PPFIA2: variants seen among roughly 807,000 people sequenced by gnomAD.
PPFIA2 encodes liprin-alpha-2.
PPFIA2 carries 46 observed loss-of-function variants against 175.5 expected under a neutral mutation model. The observed-to-expected ratio is 0.26, with a 90% CI of 0.21 to 0.34. The LOEUF is 0.34. Ranked by LOEUF, PPFIA2 falls within the 10% of genes least tolerant of loss-of-function variation. The pLI is 1.00. For synonymous variants in PPFIA2, 568 were observed against 511.4 expected, an observed-to-expected ratio of 1.11 and a Z score of -1.49; for missense variants, 1,179 against 1,506.1, an observed-to-expected ratio of 0.78 and a Z score of 3.60.
intron 22 of PPFIA2, among the ~76,000 whole-genome samples, chr12:81,300,369 C>T (rs1162452926): frequency 6.6e-6 from 1 of 152,080 alleles, no homozygotes; most frequent in African/African-American, 2.4e-5. Flanking sequence ...AGGAATATTT[C>T]ATGAAAATCA....
intron 4 of PPFIA2, among the ~76,000 whole-genome samples, chr12:81,563,807 A>G (rs2070705359): frequency 6.6e-6 from 1 of 152,248 alleles, no homozygotes. Context: ...AGCAGGCATC[A>G]TTACAGATGC....
At position 81,438,498 on chromosome 12, in the gene PPFIA2, C is replaced by T. The variant is rs1278266533; in HGVS notation, c.645+1474G>A. 2.0e-5 allele frequency among the ~76,000 whole-genome samples: 3 copies of T among 151,802 alleles called. No homozygotes were observed. The East Asian group carries it at 5.8e-4, about 29-fold the overall frequency. ...AAACAAAAAACAAAACAAAACAAAA[C>T]AAAACAAAAAACAAAGGAGTTTGTA... On this transcript the variant is annotated intron_variant, in intron 7 of 32. Coordinates refer to ENST00000549396, the MANE Select transcript of PPFIA2 (RefSeq NM_003625.5).
rs192216139 is a variant in PPFIA2 at position 81,609,204 on chromosome 12, T to C, written c.303+67587A>G. Among the ~76,000 whole-genome samples, 9 of 152,272 alleles carry C rather than the reference T, an allele frequency of 5.9e-5. No individual in the cohort carries two copies. In the East Asian group the frequency reaches 1.7e-3, roughly 29 times the overall value. On this transcript the variant is annotated intron_variant, in intron 4 of 32. Transcript: ENST00000549396. ...ATTTCTGTTATGAGTAAGCATGTCA[T>C]CAATCTTAAAATATGTTCTGTGTGC...
chr12:81,687,569 C>G (rs997103771), intron 3 of PPFIA2: 1 of 151,938 alleles, frequency 6.6e-6, no homozygotes, highest in African/African-American at 2.4e-5. Context: ...CAACAGCTCT[C>G]CAATTTTACT....
intron 4 of PPFIA2, among the ~76,000 whole-genome samples, chr12:81,645,405 C>G (rs1175058690): frequency 2.0e-5 from 3 of 152,128 alleles, no homozygotes; most frequent in African/African-American, 7.2e-5. Context: ...TTACACCACC[C>G]CTCAGCATAA....
Position 81,344,703 on chromosome 12 carries a change from G to T in PPFIA2, c.2233-10C>A, listed in dbSNP as rs1555290953. On this transcript the variant is annotated splice_polypyrimidine_tract_variant and intron_variant, in intron 18 of 32. Coordinates refer to ENST00000549396, the MANE Select transcript of PPFIA2 (RefSeq NM_003625.5). The stretch of plus-strand genomic sequence containing the variant: ...TCCTCAGATCACTTGGCTGTGATTG[G>T]CAGTAATAAAAACATAAAACACAAT... The T allele has an allele frequency of 6.5e-7, 1 of 1,541,408 alleles. No individual in the cohort carries two copies. Among genetic ancestry groups the T allele is most frequent in the Non-Finnish European group, 8.8e-7 (1 of 1,135,996 alleles).
chr12:81,388,691 A>C (rs985300832), intron 8 of PPFIA2, among the ~76,000 whole-genome samples: 1 of 152,094 alleles, frequency 6.6e-6, no homozygotes. Flanking sequence ...TTGAAAAACA[A>C]ATTTTTATTT....
intron 16 of PPFIA2, among the ~76,000 whole-genome samples, chr12:81,355,354 C>T (rs549255171): frequency 6.6e-6 from 1 of 152,254 alleles, no homozygotes; most frequent in East Asian, 1.9e-4. Context: ...TTTGTTGTTG[C>T]ATTCATAGAG....
At chr12:81,660,067 C>A (rs1447949810) in intron 4 of PPFIA2, among the ~76,000 whole-genome samples, 1 of 152,016 alleles carries the variant, frequency 6.6e-6, no homozygotes, top group Non-Finnish European at 1.5e-5. Context: ...CATCAAAGAC[C>A]AAAGGTATAT....
At chr12:81,353,574 C>A (rs2060383806) in intron 16 of PPFIA2, among the ~76,000 whole-genome samples, 1 of 152,028 alleles carries the variant, frequency 6.6e-6, no homozygotes, top group Non-Finnish European at 1.5e-5. Flanking sequence ...AGATGATAAA[C>A]TTCTATATGT....
chr12:81,664,955 C>T (rs2069826305), intron 4 of PPFIA2, among the ~76,000 whole-genome samples: 1 of 151,706 alleles, frequency 6.6e-6, no homozygotes, highest in Non-Finnish European at 1.5e-5. Flanking sequence ...CCAAACACCA[C>T]ATGTTCTCAC....
intron 4 of PPFIA2, among the ~76,000 whole-genome samples, chr12:81,519,908 G>A (rs574018215): frequency 4.5e-4 from 68 of 152,256 alleles, no homozygotes; most frequent in African/African-American, 1.6e-3. Flanking sequence ...ATGTAATAAA[G>A]TTTAATTTGT....
intron 4 of PPFIA2, among the ~76,000 whole-genome samples, chr12:81,562,672 CCCGT>C (rs2070369301): frequency 6.7e-6 from 1 of 150,266 alleles, no homozygotes; most frequent in Non-Finnish European, 1.5e-5. Context: ...ACGGTGAAAC[CCCGT>C]CTCTACTAAA....
At chr12:81,276,963 G>T (rs1447377795) in intron 28 of PPFIA2, among the ~76,000 whole-genome samples, 2 of 152,050 alleles carry the variant, frequency 1.3e-5, no homozygotes, top group Non-Finnish European at 2.9e-5. Context: ...CCATAAAAAT[G>T]ATATACCATG....
chr12:81,357,929 T>C (rs2061086772), intron 16 of PPFIA2, among the ~76,000 whole-genome samples, 153 bp downstream of exon 16: 1 of 152,174 alleles, frequency 6.6e-6, no homozygotes, highest in South Asian at 2.1e-4. Context: ...AGGGGCTTTA[T>C]GTTACTTATA....
At chr12:81,394,465 CA>C (rs143055422) in intron 8 of PPFIA2, among the ~76,000 whole-genome samples, 47 of 146,412 alleles carry the variant, frequency 3.2e-4, no homozygotes, top group Admixed American at 1.2e-3. Flanking sequence ...ATCATGCATA[CA>C]AAAAAAAAAT....
chr12:81,268,064 G>T lies in PPFIA2; in HGVS notation c.3334C>A (p.Arg1112=). 1 of 1,597,152 alleles carries T rather than the reference G, an allele frequency of 6.3e-7. No individual in the cohort carries two copies. The highest frequency in any genetic ancestry group is 8.5e-7 in the Non-Finnish European group (1 of 1,171,124). ...ATTGCTTGTATCCAGCGAATAACTC[G>T]GTCATTGCTCCACACCAACACGTCT... The part of the protein sequence containing the change: ...IKDVLVWSND[R]VIRWIQAIGL... Residue 1112 remains arginine, a synonymous_variant, in exon 29 of 33, where the codon CGA becomes AGA. Transcript: ENST00000549396.
rs1199269805 is a variant in PPFIA2, at chr12:81,462,583, TAC to T, written c.304-4719_304-4718del. Reference sequence around the variant, plus strand: ...GTATATATATGTGTATATATATATATACATATATATATATATATATATATAAT... The same window carrying T: ...GTATATATATGTGTATATATATATATATATATATATATATATATATATAAT... On this transcript the variant is annotated intron_variant, in intron 4 of 32. Transcript: ENST00000549396. Among the ~76,000 whole-genome samples the T allele has an allele frequency of 3.9e-3, 111 of 28,320 alleles. 3 individuals are homozygous for T. Among genetic ancestry groups the T allele is most frequent in the African/African-American group, 0.014 (101 of 7,240 alleles). 18.6% of individuals were successfully genotyped at this position (28,320 alleles called of 152,430 possible).
chr12:81,348,178 A>T (rs1595278102), intron 17 of PPFIA2, among the ~76,000 whole-genome samples: 1 of 152,314 alleles, frequency 6.6e-6, no homozygotes, highest in South Asian at 2.1e-4. Context: ...GCAATAGCTT[A>T]GAAAAAGTGA....
Sources: gnomAD v4.1 joint callset for allele counts (sites outside exome capture counted in the v4.1 genomes callset) on GRCh38, gnomAD v4.1.1 for gene constraint, MANE v1.5 for transcripts, NCBI Gene and HGNC (gene_info 2026-07-23, HGNC 2026-07-21) for gene names.